USP3: variants seen among roughly 807,000 people sequenced by gnomAD.
USP3 encodes ubiquitin carboxyl-terminal hydrolase 3.
Under a neutral mutation model 72.3 loss-of-function variants are expected in USP3, and 20 were observed. That is an observed-to-expected ratio of 0.28 (90% CI 0.19 to 0.40). The LOEUF (loss-of-function observed/expected upper bound fraction) is 0.40. USP3 is among the 10% of genes least tolerant of loss of function. The pLI is 1.00. For missense variants in USP3, 479 were observed against 633.9 expected (o/e 0.76, Z 2.62); for synonymous variants, 222 against 225.3 (o/e 0.99, Z 0.13).
At chr15:63,509,345 G>A (rs2065753417) in intron 1 of USP3, among the ~76,000 whole-genome samples, 1 of 152,156 alleles carries the variant, frequency 6.6e-6, no homozygotes, top group Admixed American at 6.5e-5. Context: ...GTGTCTGGCA[G>A]GGTCTTTATG....
In USP3 at chr15:63,512,272, TTCTTCTTCC is replaced by T. The variant is rs534233373; in HGVS notation, c.91+7460_91+7468del. 3.0e-3 allele frequency among the ~76,000 whole-genome samples: 460 copies of T among 151,260 alleles called. 3 individuals are homozygous for T. Among genetic ancestry groups the T allele is most frequent in the East Asian group, 2.3e-3 (12 of 5,138 alleles). On this transcript the variant is annotated intron_variant, in intron 1 of 14. Transcript: ENST00000380324. ...ATCTTAAAACAGATTTCCCCTCTTC[TTCTTCTTCC>T]TCTTCTTCCTCTTCTTCTTCCTCCT...
intron 3 of USP3, among the ~76,000 whole-genome samples, chr15:63,550,348 C>T (rs913602507): frequency 8.5e-5 from 13 of 152,162 alleles, no homozygotes; most frequent in Non-Finnish European, 1.5e-4. Context: ...TTCCATGATA[C>T]AGTCTGCCTT....
chr15:63,520,667 G>A (rs1387389260), intron 1 of USP3, among the ~76,000 whole-genome samples: 1 of 141,710 alleles, frequency 7.1e-6, no homozygotes, highest in Non-Finnish European at 1.5e-5. Context: ...AGGTTCAATC[G>A]ATTCTCCTGC....
At chr15:63,558,969 C>G (rs973039748) in intron 6 of USP3, among the ~76,000 whole-genome samples, 7 of 152,134 alleles carry the variant, frequency 4.6e-5, no homozygotes, top group Non-Finnish European at 7.4e-5. Context: ...CTAGATTTGG[C>G]CTGTGGGCTA....
chr15:63,581,178 T>C (rs996486027), intron 11 of USP3, among the ~76,000 whole-genome samples: 1 of 152,178 alleles, frequency 6.6e-6, no homozygotes, highest in Non-Finnish European at 1.5e-5. Flanking sequence ...ACACTCATGC[T>C]GCTGCAAAAT....
intron 3 of USP3, among the ~76,000 whole-genome samples, chr15:63,541,266 C>T (rs2066241049): frequency 6.6e-6 from 1 of 152,052 alleles, no homozygotes; most frequent in South Asian, 2.1e-4. Context: ...GCTTGAATTT[C>T]AGATTTTAAA....
rs1375454234 is a variant in USP3 at position 63,574,537 on chromosome 15, G to C, written c.1096+134G>C. The C allele has an allele frequency of 3.3e-6, 2 of 610,092 alleles. No individual in the cohort carries two copies. Among genetic ancestry groups the C allele is most frequent in the South Asian group, 3.6e-5 (1 of 28,138 alleles). The allele number at this position is 610,092 out of a possible 1,614,324, so 37.8% of individuals were successfully genotyped here. On this transcript the variant is annotated intron_variant, in intron 11 of 14. Transcript: ENST00000380324. This position sits in a 1 kb window ranked among gnomAD's most constrained non-coding sequence, Gnocchi z 4.6. ...TTGTAACTTAACAAAAGTCAAACTT[G>C]AATGTCTTTTCCTACTCCCCAAAAT...
At chr15:63,509,241 AG>A (rs1314130489) in intron 1 of USP3, among the ~76,000 whole-genome samples, 1 of 152,206 alleles carries the variant, frequency 6.6e-6, no homozygotes, top group Admixed American at 6.5e-5. Flanking sequence ...ACTGCTTTTT[AG>A]TAACATTCTA....
At chr15:63,527,477 T>G (rs1436814049) in intron 1 of USP3, among the ~76,000 whole-genome samples, 10 of 152,268 alleles carry the variant, frequency 6.6e-5, no homozygotes, top group Non-Finnish European at 1.5e-4. Context: ...GTAGAGACAG[T>G]GATGAAGTTG....
At chr15:63,583,629 C>T (rs2067002684) in intron 11 of USP3, among the ~76,000 whole-genome samples, 1 of 152,144 alleles carries the variant, frequency 6.6e-6, no homozygotes, top group Non-Finnish European at 1.5e-5. Flanking sequence ...ACCCATTAAA[C>T]AGTAACTCAT....
Position 63,563,091 on chromosome 15 carries a change from A to G in USP3, c.761+83A>G. The G allele has an allele frequency of 4.5e-6, 4 of 889,056 alleles. No individual in the cohort carries two copies. In the South Asian group the frequency reaches 9.9e-5, roughly 22 times the overall value. 55.1% of individuals were successfully genotyped at this position (889,056 alleles called of 1,614,324 possible). ...AAATAATTCCTAATGAAGTGGTTGT[A>G]TTCTAAATATTCTAAATACTTAAGA... On this transcript the variant is annotated intron_variant, in intron 8 of 14. Coordinates refer to ENST00000380324, the MANE Select transcript of USP3 (RefSeq NM_006537.4).
chr15:63,517,128 T>C (rs1441902689), intron 1 of USP3, among the ~76,000 whole-genome samples: 1 of 152,062 alleles, frequency 6.6e-6, no homozygotes, highest in African/African-American at 2.4e-5. Context: ...GCCATGTTGG[T>C]GTGCTGCACC....
intron 11 of USP3, among the ~76,000 whole-genome samples, chr15:63,586,173 T>C (rs2067057506): frequency 6.6e-6 from 1 of 152,234 alleles, no homozygotes; most frequent in African/African-American, 2.4e-5. Flanking sequence ...TGGATGCTTT[T>C]TTCTTGCCTG....
At chr15:63,521,254 G>A (rs138512124) in intron 1 of USP3, among the ~76,000 whole-genome samples, 318 of 151,504 alleles carry the variant, frequency 2.1e-3, no homozygotes, top group African/African-American at 7.4e-3. Flanking sequence ...GTGGATGTGC[G>A]ACAGTGAATT....
intron 8 of USP3, among the ~76,000 whole-genome samples, chr15:63,569,776 A>G (rs190846488): frequency 6.6e-6 from 1 of 152,298 alleles, no homozygotes; most frequent in Non-Finnish European, 1.5e-5. Flanking sequence ...CTGTCTGACT[A>G]TACTGTAAGA....
intron 11 of USP3, among the ~76,000 whole-genome samples, chr15:63,576,029 CA>C (rs1247689927): frequency 2.0e-5 from 3 of 149,334 alleles, no homozygotes; most frequent in Non-Finnish European, 4.4e-5. Context: ...CTCTGTCGCC[CA>C]GGCTGGAGTG....
At chr15:63,577,743 T>C (rs889434496) in intron 11 of USP3, among the ~76,000 whole-genome samples, 2 of 151,384 alleles carry the variant, frequency 1.3e-5, no homozygotes, top group Non-Finnish European at 3.0e-5. Context: ...AGAGCGAGAC[T>C]CCGTCTCAAA....
At chr15:63,548,072 C>G (rs1428693236) in intron 3 of USP3, among the ~76,000 whole-genome samples, 1 of 131,010 alleles carries the variant, frequency 7.6e-6, no homozygotes, top group African/African-American at 2.9e-5. Flanking sequence ...GATGGGGCCA[C>G]TGCAATCCAG....
Position 63,588,866 on chromosome 15 carries a change from T to C in USP3, c.1329+51T>C, listed in dbSNP as rs372546551. On this transcript the variant is annotated intron_variant, in intron 13 of 14. Coordinates refer to ENST00000380324, the MANE Select transcript of USP3 (RefSeq NM_006537.4). The surrounding 1 kb of genome is among the most constrained non-coding windows in gnomAD (Gnocchi z 4.6). ...GTGAAAAAATGGCTCTTCAGTAAGA[T>C]TGTCATCACATGGAGAGGGTAGAGG... 5.0e-6 allele frequency: 8 copies of C among 1,610,242 alleles called. No individual in the cohort carries two copies. The highest frequency in any genetic ancestry group is 4.5e-5 in the East Asian group (2 of 44,854).
Sources: allele counts gnomAD v4.1 joint callset (sites outside exome capture counted in the v4.1 genomes callset), GRCh38; gene constraint gnomAD v4.1.1; non-coding constraint Gnocchi (gnomAD v3.1); transcripts MANE v1.5; gene names NCBI Gene and HGNC (gene_info 2026-07-23, HGNC 2026-07-21).